RAI14: variants seen among roughly 807,000 people sequenced by gnomAD.
RAI14 encodes ankycorbin.
Under a neutral mutation model 115.4 loss-of-function variants are expected in RAI14, and 45 were observed. The ratio of observed to expected loss-of-function variants is 0.39; its 90% CI spans 0.31 to 0.50. The LOEUF is 0.50. RAI14 is among the 20% of genes least tolerant of loss of function. The pLI is 0.85. For missense variants in RAI14, 939 were observed against 1,131.2 expected, an observed-to-expected ratio of 0.83 and a Z score of 2.44; for synonymous variants, 371 against 415.4, an observed-to-expected ratio of 0.89 and a Z score of 1.30.
At position 34,665,069 on chromosome 5, in the gene RAI14, G is replaced by GTA. The variant is rs374635170; in HGVS notation, c.-49+8602_-49+8603dup. On this transcript the variant is annotated intron_variant, in intron 1 of 17. Transcript: ENST00000265109. ...TGTATATATATGTGTATATATATGT[G>GTA]TATATATATGTGTATATATATGTGT... Among the ~76,000 whole-genome samples the GTA allele has an allele frequency of 5.9e-4, 19 of 32,040 alleles. 1 individual carries two copies. Among genetic ancestry groups the GTA allele is most frequent in the Non-Finnish European group, 9.9e-4 (13 of 13,160 alleles). 21.0% of individuals were successfully genotyped at this position (32,040 alleles called of 152,430 possible).
At chr5:34,749,920 C>A (rs1252611791) in intron 2 of RAI14, among the ~76,000 whole-genome samples, 1 of 152,020 alleles carries the variant, frequency 6.6e-6, no homozygotes, top group Admixed American at 6.6e-5. Flanking sequence ...TCTCTAGAGC[C>A]CTTTAAAATA....
intron 1 of RAI14, among the ~76,000 whole-genome samples, chr5:34,664,697 T>C (rs1472606073): frequency 1.3e-5 from 2 of 151,856 alleles, no homozygotes; most frequent in Admixed American, 6.6e-5. Context: ...TAGTGGTGAT[T>C]TGTGAGATTT....
At chr5:34,798,034 T>G (rs899295198) in intron 4 of RAI14, among the ~76,000 whole-genome samples, 4 of 152,156 alleles carry the variant, frequency 2.6e-5, no homozygotes, top group African/African-American at 9.7e-5. Context: ...TTGTGTGTGT[T>G]TTTTTGTTTG....
At chr5:34,722,488 C>A (rs945526350) in intron 2 of RAI14, among the ~76,000 whole-genome samples, 1 of 151,802 alleles carries the variant, frequency 6.6e-6, no homozygotes, top group Non-Finnish European at 1.5e-5. Flanking sequence ...ACTAACATCC[C>A]CTCCGGTTTT....
At chr5:34,717,071 A>G (rs1197037128) in intron 2 of RAI14, among the ~76,000 whole-genome samples, 1 of 152,118 alleles carries the variant, frequency 6.6e-6, no homozygotes, top group Non-Finnish European at 1.5e-5. Flanking sequence ...AGCATTATGT[A>G]TGTGTATGTG....
At chr5:34,756,438 A>G (rs1461710714) in intron 2 of RAI14, among the ~76,000 whole-genome samples, 1 of 152,220 alleles carries the variant, frequency 6.6e-6, no homozygotes, top group Non-Finnish European at 1.5e-5. Flanking sequence ...AGTCTCTCCC[A>G]GGGTGTGGTG....
chr5:34,659,025 A>G (rs553490105), intron 1 of RAI14: 13 of 152,236 alleles, frequency 8.5e-5, no homozygotes, highest in African/African-American at 2.9e-4. Flanking sequence ...TAGCGCACAC[A>G]GTTCTCAAGC....
At chr5:34,709,934 A>T (rs547506110) in intron 2 of RAI14, among the ~76,000 whole-genome samples, 2 of 152,330 alleles carry the variant, frequency 1.3e-5, no homozygotes, top group Admixed American at 1.3e-4. Context: ...CCCGAAGAAA[A>T]GCAAATGTGA....
At chr5:34,745,517 C>T (rs913629528) in intron 2 of RAI14, among the ~76,000 whole-genome samples, 4 of 152,148 alleles carry the variant, frequency 2.6e-5, no homozygotes, top group African/African-American at 9.7e-5. Flanking sequence ...GTCCCTGGAC[C>T]TTGTCCTTAC....
intron 3 of RAI14, among the ~76,000 whole-genome samples, chr5:34,769,310 T>G (rs1376492084): frequency 6.6e-6 from 1 of 152,154 alleles, no homozygotes; most frequent in Non-Finnish European, 1.5e-5. Context: ...GCCCATCACT[T>G]TTCTGCTGAA....
At chr5:34,681,905 G>A (rs1306614250) in intron 1 of RAI14, among the ~76,000 whole-genome samples, 1 of 148,058 alleles carries the variant, frequency 6.8e-6, no homozygotes, top group African/African-American at 2.5e-5. Flanking sequence ...GCCCAGGCTG[G>A]AGTGCAGTGG....
intron 15 of RAI14, among the ~76,000 whole-genome samples, chr5:34,824,989 G>C (rs1176693132): frequency 1.4e-5 from 2 of 140,302 alleles, no homozygotes; most frequent in Non-Finnish European, 3.1e-5. Context: ...TTGGGTATTT[G>C]TATTTTAAAA....
At chr5:34,778,577 T>C (rs1269078933) in intron 3 of RAI14, among the ~76,000 whole-genome samples, 1 of 152,054 alleles carries the variant, frequency 6.6e-6, no homozygotes, top group East Asian at 1.9e-4. Context: ...TAAAATGTTT[T>C]TATACTCTTC....
At chr5:34,784,935 G>C (rs1044467488) in intron 3 of RAI14, among the ~76,000 whole-genome samples, 17 of 152,290 alleles carry the variant, frequency 1.1e-4, no homozygotes, top group African/African-American at 4.1e-4. Flanking sequence ...GTTTTCAATT[G>C]ATCCCTACCT....
At chr5:34,717,819 C>T (rs1364787352) in intron 2 of RAI14, among the ~76,000 whole-genome samples, 4 of 151,374 alleles carry the variant, frequency 2.6e-5, no homozygotes, top group Admixed American at 2.6e-4. Flanking sequence ...GCATTCTTTC[C>T]TCATGAGCAC....
At chr5:34,748,540 C>T (rs10472252) in intron 2 of RAI14, among the ~76,000 whole-genome samples, 20,854 of 152,206 alleles carry the variant, frequency 0.14, 1,492 homozygotes, top group South Asian at 0.19. Context: ...AGTCAGGAAA[C>T]TCCCTGCTTG....
intron 12 of RAI14, among the ~76,000 whole-genome samples, chr5:34,817,207 G>T (rs187638647): frequency 6.8e-6 from 1 of 146,520 alleles, no homozygotes. Flanking sequence ...AACCTGGGAG[G>T]CAGAGGTTGC....
At position 34,753,760 on chromosome 5, in the gene RAI14, A is replaced by T. The variant is rs534705425; in HGVS notation, c.37-3708A>T. On this transcript the variant is annotated intron_variant, in intron 2 of 17. Coordinates refer to ENST00000265109, the MANE Select transcript of RAI14 (RefSeq NM_015577.3). ...GAAACCCCACCTCTACTAAAAATAC[A>T]AAAATTAGCTGGGCGTGGTGGCATG... Among the ~76,000 whole-genome samples the T allele has an allele frequency of 9.2e-5, 14 of 152,258 alleles. No homozygotes were observed. The East Asian group carries it at 2.7e-3, about 29-fold the overall frequency.
chr5:34,776,081 T>C (rs950600871), intron 3 of RAI14, among the ~76,000 whole-genome samples: 1 of 152,190 alleles, frequency 6.6e-6, no homozygotes, highest in African/African-American at 2.4e-5. Context: ...TGGAGTACTG[T>C]TCAGCCATAA....
Sources: allele counts gnomAD v4.1 joint callset (sites outside exome capture counted in the v4.1 genomes callset), GRCh38; gene constraint gnomAD v4.1.1; transcripts MANE v1.5; gene names NCBI Gene and HGNC (gene_info 2026-07-23, HGNC 2026-07-21).